Variants in TLN2 observed in about 807,000 individuals in gnomAD.
The protein encoded by TLN2 is talin 2, also known as talin-2.
TLN2 carries 118 observed loss-of-function variants against 294.7 expected under a neutral mutation model. That is an observed-to-expected ratio of 0.40 (90% CI 0.34 to 0.47). The LOEUF is 0.47. Ranked by LOEUF, TLN2 falls within the 20% of genes least tolerant of loss-of-function variation. The pLI is 0.84. For missense variants in TLN2, 3,083 were observed against 3,282.2 expected (o/e 0.94, Z 1.48); for synonymous variants, 1,431 against 1,304.5 (o/e 1.10, Z -2.09).
At chr15:62,687,075 ATTCTCAG>A (rs1473343999) in intron 12 of TLN2, among the ~76,000 whole-genome samples, 3 of 152,322 alleles carry the variant, frequency 2.0e-5, no homozygotes, top group African/African-American at 7.2e-5. Context: ...CACCCAGATG[ATTCTCAG>A]TTCTGTGTTC....
chr15:62,439,991 G>A (rs576961334), intron 1 of TLN2, among the ~76,000 whole-genome samples: 138 of 152,268 alleles, frequency 9.1e-4, no homozygotes, highest in African/African-American at 3.0e-3. Flanking sequence ...AGGACTCCCA[G>A]GGCAGTGACT....
intron 32 of TLN2, among the ~76,000 whole-genome samples, chr15:62,744,738 G>A (rs758238623): frequency 4.6e-5 from 7 of 151,988 alleles, no homozygotes; most frequent in Admixed American, 6.6e-5. Context: ...GTAGAGACGG[G>A]GTTTCACCAT....
intron 47 of TLN2, among the ~76,000 whole-genome samples, chr15:62,796,767 C>T (rs558505912): frequency 4.6e-5 from 7 of 152,336 alleles, no homozygotes; most frequent in African/African-American, 1.7e-4. Context: ...CTCTGCAATC[C>T]AAGGGCTGGG....
chr15:62,392,734 C>T (rs2032201735), intron 1 of TLN2, among the ~76,000 whole-genome samples: 1 of 152,058 alleles, frequency 6.6e-6, no homozygotes, highest in Non-Finnish European at 1.5e-5. Context: ...TAGAAGGGAC[C>T]ACAGAAACCT....
chr15:62,722,359 A>G lies in TLN2; in HGVS notation c.2998A>G (p.Ser1000Gly). ...ISSQNFLQPG[S>G]KMVSSAKAAV... is the part of the protein sequence containing the mutation. ...TCTTTTCATCTCTCTATAGCCTGGAAGCAAGATGGTGTCCTCTGCCAAAGC... is the reference window on the plus strand; with the variant it reads ...TCTTTTCATCTCTCTATAGCCTGGAGGCAAGATGGTGTCCTCTGCCAAAGC... The change falls in exon 26 of 59, where the codon AGC becomes GGC. Residue 1000 changes from serine (S) to glycine (G), a missense_variant. By Grantham distance (56) the Ser-to-Gly change is moderately conservative (BLOSUM62 0). Transcript: ENST00000636159. The G allele has an allele frequency of 1.2e-6, 2 of 1,608,642 alleles. No individual in the cohort carries two copies. Among genetic ancestry groups the G allele is most frequent in the Non-Finnish European group, 8.5e-7 (1 of 1,175,900 alleles).
intron 1 of TLN2, among the ~76,000 whole-genome samples, chr15:62,521,870 C>G (rs1208955042): frequency 6.6e-6 from 1 of 152,170 alleles, no homozygotes; most frequent in African/African-American, 2.4e-5. Context: ...TCCATTTCCT[C>G]AGTGTCTGCT....
intron 45 of TLN2, 67 bp from the exon 46 acceptor site, chr15:62,792,574 G>T: frequency 3.2e-6 from 5 of 1,573,514 alleles, no homozygotes; most frequent in Admixed American, 1.8e-5. Flanking sequence ...AATTTTCCAC[G>T]TAGGGAAGGC....
chr15:62,588,237 G>A (rs954564192), intron 1 of TLN2, among the ~76,000 whole-genome samples: 2 of 152,030 alleles, frequency 1.3e-5, no homozygotes, highest in African/African-American at 4.8e-5. Context: ...GTTTCTTGCT[G>A]TTATATTTTT....
chr15:62,569,153 A>G (rs989481663), intron 1 of TLN2, among the ~76,000 whole-genome samples: 3 of 152,100 alleles, frequency 2.0e-5, no homozygotes, highest in Non-Finnish European at 2.9e-5. Context: ...TGTCTCTTCT[A>G]AGGTCGCTTC....
chr15:62,753,707 A>G (rs2062064616), intron 35 of TLN2, 66 bp from the exon 36 acceptor site: 15 of 1,532,910 alleles, frequency 9.8e-6, no homozygotes, highest in South Asian at 1.3e-5. Context: ...AGTGCGGACC[A>G]TCATCCCCAG....
intron 53 of TLN2, among the ~76,000 whole-genome samples, chr15:62,820,228 G>C (rs2067447291): frequency 6.6e-6 from 1 of 152,136 alleles, no homozygotes; most frequent in African/African-American, 2.4e-5. Flanking sequence ...TGGTCCGTGA[G>C]ATCATTTTTG....
chr15:62,659,878 A>G (rs1012701655), intron 9 of TLN2, among the ~76,000 whole-genome samples: 5 of 152,216 alleles, frequency 3.3e-5, no homozygotes, highest in Non-Finnish European at 7.3e-5. Flanking sequence ...TCTTGAGGAT[A>G]TAAGTCCCTT....
At chr15:62,496,178 C>G (rs2039006934) in intron 1 of TLN2, among the ~76,000 whole-genome samples, 1 of 152,184 alleles carries the variant, frequency 6.6e-6, no homozygotes, top group Non-Finnish European at 1.5e-5. Flanking sequence ...GCTAGGCCTC[C>G]TCTTTCTGAC....
At chr15:62,618,923 C>T (rs373527938) in intron 3 of TLN2, among the ~76,000 whole-genome samples, 3 of 152,184 alleles carry the variant, frequency 2.0e-5, no homozygotes, top group Non-Finnish European at 4.4e-5. Flanking sequence ...ATAAACTAAA[C>T]TCACACCATA....
Position 62,796,310 on chromosome 15 carries a change from G to C in TLN2, c.6050+17G>C. 1 of 1,605,764 alleles carries C rather than the reference G, an allele frequency of 6.2e-7. No homozygotes were observed. The highest frequency in any genetic ancestry group is 8.5e-7 in the Non-Finnish European group (1 of 1,175,966). On this transcript the variant is annotated intron_variant, in intron 47 of 58. Coordinates refer to ENST00000636159, the MANE Select transcript of TLN2 (RefSeq NM_015059.3). ...AGACCACAGGTACGTGGGGGTCCTGGACGGGGAGAGGTTCAGGCTGGCCTG... is the reference window on the plus strand; with the variant it reads ...AGACCACAGGTACGTGGGGGTCCTGCACGGGGAGAGGTTCAGGCTGGCCTG...
At chr15:62,826,134 G>A (rs1205618296) in intron 54 of TLN2, among the ~76,000 whole-genome samples, 1 of 151,592 alleles carries the variant, frequency 6.6e-6, no homozygotes, top group African/African-American at 2.4e-5. Context: ...TTAAGATGTA[G>A]GGAGTTTATC....
At chr15:62,789,012 C>T (rs184212136) in intron 45 of TLN2, among the ~76,000 whole-genome samples, 13 of 152,296 alleles carry the variant, frequency 8.5e-5, no homozygotes, top group African/African-American at 2.9e-4. Context: ...CTTTCTGCTG[C>T]CCAAAGGGGT....
At chr15:62,660,593 A>G (rs2053705431) in intron 9 of TLN2, among the ~76,000 whole-genome samples, 1 of 152,232 alleles carries the variant, frequency 6.6e-6, no homozygotes, top group Non-Finnish European at 1.5e-5. Flanking sequence ...CACATAATCT[A>G]GTAATCAGGT....
chr15:62,477,066 C>G (rs2037821018), intron 1 of TLN2, among the ~76,000 whole-genome samples: 1 of 152,192 alleles, frequency 6.6e-6, no homozygotes, highest in African/African-American at 2.4e-5. Context: ...GTACCAGCAG[C>G]TGAGATAGGC....
Sources: gnomAD v4.1 joint callset for allele counts (sites outside exome capture counted in the v4.1 genomes callset) on GRCh38, gnomAD v4.1.1 for gene constraint, MANE v1.5 for transcripts, NCBI Gene and HGNC (gene_info 2026-07-23, HGNC 2026-07-21) for gene names.